SAMD5: variants seen among roughly 807,000 people sequenced by gnomAD.
SAMD5 encodes the protein sterile alpha motif domain containing 5.
SAMD5 carries 13 observed loss-of-function variants against 11.3 expected under a neutral mutation model. That is an observed-to-expected ratio of 1.15 (90% CI 0.75 to 1.83). The LOEUF is 1.83. Among genes scored for constraint, SAMD5 ranks in the 40% most tolerant of loss-of-function variants. The pLI, the probability that SAMD5 is intolerant of heterozygous loss-of-function variation, is 0.00. For synonymous variants in SAMD5, 129 were observed against 111.3 expected (o/e 1.16, Z -1.00); for missense variants, 255 against 239.1 (o/e 1.07, Z -0.44).
intron 1 of SAMD5, among the ~76,000 whole-genome samples, chr6:147,663,159 A>G (rs1790669897): frequency 6.6e-6 from 1 of 152,214 alleles, no homozygotes; most frequent in South Asian, 2.1e-4. Flanking sequence ...TATTGCATTT[A>G]TGTTACACTG....
At position 147,733,711 on chromosome 6, in the gene SAMD5, G is replaced by A. The variant is rs1791753337; in HGVS notation, c.163-3606G>A. The A allele has an allele frequency of 9.5e-6, 6 of 628,622 alleles. No homozygotes were observed. The South Asian group carries it at 4.3e-4, about 45-fold the overall frequency. 38.9% of individuals were successfully genotyped at this position (628,622 alleles called of 1,614,324 possible). On this transcript the variant is annotated intron_variant, in intron 1 of 1. Coordinates refer to the SAMD5 transcript ENST00000566741. The stretch of plus-strand genomic sequence containing the variant: ...TAAATGTTATATCTGAATCCCCGCT[G>A]TGATTCATGTTTTCTAGGATTTAAA...
At chr6:147,685,992 G>A (rs892345176) in intron 1 of SAMD5, among the ~76,000 whole-genome samples, 1 of 152,104 alleles carries the variant, frequency 6.6e-6, no homozygotes, top group Admixed American at 6.5e-5. Flanking sequence ...AATACACCGT[G>A]GCAACTGATA....
chr6:147,753,626 C>T, the SAMD5 span, among the ~76,000 whole-genome samples: 1 of 151,910 alleles, frequency 6.6e-6, no homozygotes, highest in African/African-American at 2.4e-5. Flanking sequence ...CTAAAGTCAC[C>T]CTGTTGTGCT....
chr6:147,837,885 G>A, the SAMD5 span, among the ~76,000 whole-genome samples: 1 of 152,084 alleles, frequency 6.6e-6, no homozygotes, highest in East Asian at 1.9e-4. Flanking sequence ...CTCTAAACAT[G>A]AGAGGCCAAA....
At chr6:147,590,729 A>G (rs1789440609) in intron 1 of SAMD5, among the ~76,000 whole-genome samples, 2 of 152,146 alleles carry the variant, frequency 1.3e-5, no homozygotes, top group South Asian at 4.1e-4. Flanking sequence ...TGTTTAATAT[A>G]CCAAGACTAG....
chr6:147,678,557 C>G (rs556144092), intron 1 of SAMD5, among the ~76,000 whole-genome samples: 9 of 119,466 alleles, frequency 7.5e-5, no homozygotes, highest in African/African-American at 3.0e-4. Context: ...TCTACCAAAA[C>G]TCTCTTTTCT....
chr6:147,821,396 T>C, the SAMD5 span, among the ~76,000 whole-genome samples: 4 of 152,324 alleles, frequency 2.6e-5, no homozygotes, highest in East Asian at 7.7e-4. Flanking sequence ...AGAACCCCAG[T>C]GTCCTGCAAG....
intron 1 of SAMD5, among the ~76,000 whole-genome samples, chr6:147,718,685 T>G (rs1283821680): frequency 9.5e-6 from 1 of 105,400 alleles, no homozygotes; most frequent in Non-Finnish European, 2.0e-5. Context: ...AAGTGGCTCT[T>G]TCTCGTTTTT....
At chr6:147,945,739 G>T in the SAMD5 span, among the ~76,000 whole-genome samples, 11 of 152,180 alleles carry the variant, frequency 7.2e-5, no homozygotes, top group Non-Finnish European at 1.6e-4. Context: ...CTGGCTCTGT[G>T]TTGGAGGAAG....
intron 1 of SAMD5, among the ~76,000 whole-genome samples, chr6:147,686,339 A>T (rs1791010931): frequency 6.6e-6 from 1 of 152,126 alleles, no homozygotes; most frequent in Admixed American, 6.5e-5. Context: ...TGTTTCAGAA[A>T]CCTTTGCCAG....
chr6:147,818,141 A>G, the SAMD5 span, among the ~76,000 whole-genome samples: 1,044 of 152,124 alleles, frequency 6.9e-3, 13 homozygotes, highest in African/African-American at 0.024. Context: ...ATACACCTTC[A>G]ATGGAACGAA....
chr6:147,952,508 TTTTG>T, the SAMD5 span, among the ~76,000 whole-genome samples: 10 of 152,188 alleles, frequency 6.6e-5, no homozygotes, highest in African/African-American at 1.9e-4. Flanking sequence ...TGATCTTTGT[TTTTG>T]TTTGTTTGTT....
At chr6:147,635,702 G>A (rs1325214363) in intron 1 of SAMD5, among the ~76,000 whole-genome samples, 1 of 152,212 alleles carries the variant, frequency 6.6e-6, no homozygotes, top group Non-Finnish European at 1.5e-5. Flanking sequence ...AAATGTGCTT[G>A]CAACCTTTGG....
intron 1 of SAMD5, among the ~76,000 whole-genome samples, chr6:147,656,917 T>C (rs572783255): frequency 2.6e-5 from 4 of 152,034 alleles, no homozygotes; most frequent in Admixed American, 2.6e-4. Context: ...TGTGTGTGTG[T>C]GTGTGTGTGT....
At chr6:147,693,328 A>T (rs1428561054) in intron 1 of SAMD5, among the ~76,000 whole-genome samples, 2 of 152,094 alleles carry the variant, frequency 1.3e-5, no homozygotes, top group Non-Finnish European at 2.9e-5. Flanking sequence ...GCAGTCTTTC[A>T]CCTCTGACAG....
rs367573109 is a variant in SAMD5 at position 147,543,358 on chromosome 6, A to C, written c.460-21036A>C. 4.0e-3 allele frequency among the ~76,000 whole-genome samples: 610 copies of C among 152,338 alleles called. 3 individuals are homozygous for C. Among genetic ancestry groups the C allele is most frequent in the African/African-American group, 0.014 (577 of 41,578 alleles). ...TCTCATTTCTTCCATTGCTAGAGAA[A>C]GTTCTAATGAGAGTGAGGGCAGAAT... On this transcript the variant is annotated intron_variant, in intron 1 of 1. Transcript: ENST00000367474.
chr6:147,653,209 T>A (rs1472175829), intron 1 of SAMD5, among the ~76,000 whole-genome samples: 1 of 152,242 alleles, frequency 6.6e-6, no homozygotes, highest in Non-Finnish European at 1.5e-5. Context: ...AGTAAGGTAT[T>A]TTCAGAGATA....
chr6:147,834,838 A>G, the SAMD5 span, among the ~76,000 whole-genome samples: 12 of 152,218 alleles, frequency 7.9e-5, no homozygotes, highest in Non-Finnish European at 1.5e-4. Context: ...GCTTGATTCA[A>G]TGGGAAACTA....
chr6:147,771,844 A>C, the SAMD5 span, among the ~76,000 whole-genome samples: 1 of 152,164 alleles, frequency 6.6e-6, no homozygotes, highest in Admixed American at 6.5e-5. Flanking sequence ...AACTTAAATG[A>C]CTCCAAGATA....
Sources: allele counts gnomAD v4.1 joint callset (sites outside exome capture counted in the v4.1 genomes callset), GRCh38; gene constraint gnomAD v4.1.1; transcripts MANE v1.5; gene names NCBI Gene and HGNC (gene_info 2026-07-23, HGNC 2026-07-21).